Variants in SPMIP3 observed in about 807,000 individuals in gnomAD.
SPMIP3 encodes protein SPMIP3.
chr1:244,375,512 C>A, the SPMIP3 span: 1 of 1,520,404 alleles, frequency 6.6e-7, no homozygotes, highest in Non-Finnish European at 9.1e-7. Flanking sequence ...GTCACGAAAG[C>A]TACAATGATA....
chr1:244,377,317 G>T, the SPMIP3 span, among the ~76,000 whole-genome samples: 1 of 151,618 alleles, frequency 6.6e-6, no homozygotes, highest in Admixed American at 6.6e-5. Context: ...GTAGAGATGG[G>T]GTTTCACCGT....
the SPMIP3 span, among the ~76,000 whole-genome samples, chr1:244,356,350 C>A: frequency 2.6e-5 from 4 of 152,100 alleles, no homozygotes; most frequent in Non-Finnish European, 4.4e-5. Flanking sequence ...TTATTAAGTT[C>A]TTTACTATTA....
the SPMIP3 span, among the ~76,000 whole-genome samples, chr1:244,367,254 A>G: frequency 6.6e-6 from 1 of 152,096 alleles, no homozygotes; most frequent in Non-Finnish European, 1.5e-5. Flanking sequence ...GTTTTATGCT[A>G]TTATACATGC....
the SPMIP3 span, among the ~76,000 whole-genome samples, chr1:244,369,859 G>C: frequency 1.3e-5 from 2 of 152,100 alleles, no homozygotes; most frequent in Non-Finnish European, 2.9e-5. Flanking sequence ...GCCTAGCCGG[G>C]TCACGTTCAG....
At chr1:244,372,406 G>A in the SPMIP3 span, among the ~76,000 whole-genome samples, 4 of 151,682 alleles carry the variant, frequency 2.6e-5, no homozygotes, top group Admixed American at 6.6e-5. Flanking sequence ...AGTGAGATAC[G>A]TTATGCAAAA....
chr1:244,387,441 T>TA, the SPMIP3 span, among the ~76,000 whole-genome samples: 25 of 152,216 alleles, frequency 1.6e-4, no homozygotes, highest in Non-Finnish European at 2.9e-4. Context: ...TTAGAGGTTA[T>TA]AAAATACAAG....
the SPMIP3 span, among the ~76,000 whole-genome samples, chr1:244,361,235 C>CTTTTTTTTTTTTTTTTTTTTTTTG: frequency 8.4e-6 from 1 of 119,314 alleles, no homozygotes; most frequent in Non-Finnish European, 1.7e-5. Context: ...TTCTTTCTTT[C>CTTTTTTTTTTTTTTTTTTTTTTTG]TTTTTTTTTT....
At chr1:244,377,764 T>A in the SPMIP3 span, among the ~76,000 whole-genome samples, 4 of 152,148 alleles carry the variant, frequency 2.6e-5, no homozygotes, top group Non-Finnish European at 5.9e-5. Flanking sequence ...TTCAGGTCCA[T>A]CAAACCCCAA....
the SPMIP3 span, among the ~76,000 whole-genome samples, chr1:244,361,235 C>CT: frequency 1.1e-3 from 128 of 119,290 alleles, 4 homozygotes; most frequent in African/African-American, 2.2e-3. Flanking sequence ...TTCTTTCTTT[C>CT]TTTTTTTTTT....
At chr1:244,369,485 A>G in the SPMIP3 span, among the ~76,000 whole-genome samples, 3 of 152,194 alleles carry the variant, frequency 2.0e-5, no homozygotes, top group African/African-American at 7.2e-5. Flanking sequence ...GTTCATTGCC[A>G]CACGCCAAAG....
chr1:244,382,692 C>A, the SPMIP3 span, among the ~76,000 whole-genome samples: 4 of 150,786 alleles, frequency 2.7e-5, no homozygotes, highest in Admixed American at 2.0e-4. Context: ...CAACCTCCAC[C>A]TCCCGGGTTC....
the SPMIP3 span, among the ~76,000 whole-genome samples, chr1:244,370,491 G>T: frequency 6.6e-6 from 1 of 152,198 alleles, no homozygotes; most frequent in Non-Finnish European, 1.5e-5. Flanking sequence ...TGGCTTTCCT[G>T]ACCAGATTAT....
the SPMIP3 span, among the ~76,000 whole-genome samples, chr1:244,377,271 G>A: frequency 2.6e-5 from 4 of 151,828 alleles, no homozygotes; most frequent in Admixed American, 6.6e-5. Context: ...ACAGGCACCC[G>A]CCACCATGCC....
chr1:244,372,797 A>G, the SPMIP3 span, among the ~76,000 whole-genome samples: 1 of 151,828 alleles, frequency 6.6e-6, no homozygotes, highest in Admixed American at 6.6e-5. Context: ...ATCCCGAAAG[A>G]CCCCACATGT....
the SPMIP3 span, chr1:244,389,218 AG>A: frequency 1.6e-6 from 1 of 619,428 alleles, no homozygotes; most frequent in Non-Finnish European, 2.9e-6. Context: ...TTGCAGATTA[AG>A]TTGGTCAGCT....
At chr1:244,374,582 T>TTC in the SPMIP3 span, among the ~76,000 whole-genome samples, 1 of 142,950 alleles carries the variant, frequency 7.0e-6, no homozygotes, top group East Asian at 2.1e-4. Flanking sequence ...GATTCCCACA[T>TTC]TTCTCTTTTT....
the SPMIP3 span, among the ~76,000 whole-genome samples, chr1:244,366,413 A>G: frequency 7.0e-4 from 107 of 152,170 alleles, no homozygotes; most frequent in African/African-American, 2.5e-3. Context: ...CAGTCCTCCC[A>G]CTTGGTATCA....
chr1:244,379,017 C>T, the SPMIP3 span, among the ~76,000 whole-genome samples: 1 of 152,124 alleles, frequency 6.6e-6, no homozygotes, highest in Non-Finnish European at 1.5e-5. Context: ...CAAACTCCGC[C>T]TCCTGGGTTC....
the SPMIP3 span, chr1:244,389,107 G>C: frequency 6.6e-7 from 1 of 1,522,610 alleles, no homozygotes; most frequent in Non-Finnish European, 9.1e-7. Context: ...GGCATTCTTA[G>C]GTGGCCCTTT....
Sources: gnomAD v4.1 joint callset for allele counts (sites outside exome capture counted in the v4.1 genomes callset) on GRCh38, gnomAD v4.1.1 for gene constraint, MANE v1.5 for transcripts, NCBI Gene and HGNC (gene_info 2026-07-23, HGNC 2026-07-21) for gene names.